The following MMP20 variants were observed in gnomAD, a reference collection of about 807,000 sequenced individuals.
MMP20 encodes the protein matrix metallopeptidase 20.
In MMP20, 50 loss-of-function variants were observed where a neutral mutation model predicts 51.8. That is an observed-to-expected ratio of 0.97 (90% CI 0.77 to 1.22). The LOEUF is 1.22. Among genes scored for constraint, MMP20 ranks in the 50% most tolerant of loss-of-function variants. MMP20 has a pLI of 0.00. For synonymous variants in MMP20, 244 were observed against 216.2 expected (o/e 1.13, Z -1.13); for missense variants, 663 against 601.4 (o/e 1.10, Z -1.07).
intron 6 of MMP20, 129 bp from the exon 7 acceptor site, chr11:102,594,886 T>C (rs1244909343): frequency 1.3e-5 from 16 of 1,215,324 alleles, no homozygotes; most frequent in Admixed American, 2.6e-5. Context: ...TGCCTTGCCT[T>C]GCCTTGTTTT....
At chr11:102,623,257 A>G (rs1565402252) in intron 1 of MMP20, among the ~76,000 whole-genome samples, 1 of 152,180 alleles carries the variant, frequency 6.6e-6, no homozygotes, top group Non-Finnish European at 1.5e-5. Flanking sequence ...TGTCTAGCCC[A>G]GGGGTCCCCT....
intron 9 of MMP20, among the ~76,000 whole-genome samples, chr11:102,578,804 C>CAA: frequency 1.3e-5 from 2 of 151,544 alleles, no homozygotes; most frequent in Admixed American, 1.3e-4. Context: ...AAAACAAAAA[C>CAA]AAACAAACAA....
At chr11:102,577,454 T>A (rs1242744689) in intron 9 of MMP20, 28 bp from the exon 10 acceptor site, 2 of 1,461,008 alleles carry the variant, frequency 1.4e-6, no homozygotes, top group Admixed American at 3.4e-5. Context: ...GAAATTGGGT[T>A]ACTGAAGATG....
intron 6 of MMP20, among the ~76,000 whole-genome samples, chr11:102,606,073 C>T (rs560248454): frequency 1.3e-5 from 2 of 152,322 alleles, no homozygotes; most frequent in African/African-American, 4.8e-5. Flanking sequence ...GTCCATCTGT[C>T]CAGCTAGCCA....
At chr11:102,610,589 T>A (rs542631267) in intron 3 of MMP20, among the ~76,000 whole-genome samples, 56 of 152,230 alleles carry the variant, frequency 3.7e-4, no homozygotes, top group Non-Finnish European at 7.6e-4. Flanking sequence ...ATGAAAGTCA[T>A]AAAGGTGTTT....
intron 6 of MMP20, among the ~76,000 whole-genome samples, chr11:102,602,179 A>G (rs7932917): frequency 0.51 from 67,570 of 132,588 alleles, 17,691 homozygotes; most frequent in South Asian, 0.65. Flanking sequence ...CATGTTAGCC[A>G]GGATGGTCTC....
Position 102,616,158 on chromosome 11 carries a change from G to C in MMP20, c.374+654C>G, listed in dbSNP as rs544703129. 7.7e-4 allele frequency among the ~76,000 whole-genome samples: 117 copies of C among 152,242 alleles called. No homozygotes were observed. In the Middle Eastern group the frequency reaches 0.014, roughly 18 times the overall value. ...CAGGGAAGGAGTGAGGGGAGCTTGG[G>C]GCTAAGAGTGGAACTGCTTCTGCTT... On this transcript the variant is annotated intron_variant, in intron 2 of 9. Transcript: ENST00000260228.
chr11:102,594,893 T>G, intron 6 of MMP20, 136 bp from the exon 7 acceptor site: 3 of 1,126,380 alleles, frequency 2.7e-6, no homozygotes, highest in Non-Finnish European at 3.7e-6. Context: ...CCTTGCCTTG[T>G]TTTTTTTCTC....
intron 8 of MMP20, among the ~76,000 whole-genome samples, chr11:102,590,698 T>A (rs149111529): frequency 6.6e-6 from 1 of 152,234 alleles, no homozygotes; most frequent in African/African-American, 2.4e-5. Flanking sequence ...TTTCAGTGGA[T>A]GTCAATGTAG....
intron 8 of MMP20, among the ~76,000 whole-genome samples, chr11:102,591,944 C>T (rs1859322137): frequency 6.6e-6 from 1 of 152,146 alleles, no homozygotes; most frequent in Admixed American, 6.6e-5. Context: ...GATAAATGGG[C>T]AAGAGAGACA....
chr11:102,588,188 C>G (rs1481053079), intron 8 of MMP20, among the ~76,000 whole-genome samples: 1 of 152,006 alleles, frequency 6.6e-6, no homozygotes, highest in Non-Finnish European at 1.5e-5. Context: ...AAGACTTATA[C>G]TAAATTAATT....
chr11:102,614,741 C>T (rs912830346), intron 2 of MMP20, among the ~76,000 whole-genome samples: 3 of 152,022 alleles, frequency 2.0e-5, no homozygotes, highest in African/African-American at 7.2e-5. Context: ...ATTCTGGCCC[C>T]TCCTTTGATC....
chr11:102,603,401 C>G (rs1450592718), intron 6 of MMP20, among the ~76,000 whole-genome samples: 1 of 152,094 alleles, frequency 6.6e-6, no homozygotes, highest in African/African-American at 2.4e-5. Context: ...CTGGACAGCA[C>G]CTTAGGAGGC....
chr11:102,615,179 G>A (rs1329013701), intron 2 of MMP20, among the ~76,000 whole-genome samples: 2 of 144,178 alleles, frequency 1.4e-5, no homozygotes, highest in African/African-American at 2.5e-5. Flanking sequence ...ATAAAATAAT[G>A]TTTTAATAAT....
intron 6 of MMP20, among the ~76,000 whole-genome samples, chr11:102,602,079 A>C (rs1859453338): frequency 7.1e-6 from 1 of 140,904 alleles, no homozygotes; most frequent in Non-Finnish European, 1.5e-5. Flanking sequence ...CCTCCCGAGT[A>C]GCTGGGATTA....
Position 102,616,224 on chromosome 11 carries a change from G to C in MMP20, c.374+588C>G, listed in dbSNP as rs567221717. Reference sequence around the variant, plus strand: ...CTCAGATGTTACTGCTGGTCCCTGGGCCACTTGGTAGCTCTGTCCATGTGA... The same window carrying C: ...CTCAGATGTTACTGCTGGTCCCTGGCCCACTTGGTAGCTCTGTCCATGTGA... On this transcript the variant is annotated intron_variant, in intron 2 of 9. Transcript: ENST00000260228. Among the ~76,000 whole-genome samples, 3 of 152,244 alleles carry C rather than the reference G, an allele frequency of 2.0e-5. 1 individual carries two copies. In the East Asian group the frequency reaches 5.8e-4, roughly 29 times the overall value.
intron 4 of MMP20, 113 bp downstream of exon 4, chr11:102,609,792 A>T: frequency 2.0e-6 from 3 of 1,493,816 alleles, no homozygotes; most frequent in Non-Finnish European, 2.8e-6. Context: ...TGTTTTTCCT[A>T]GCCAGCCCCC....
intron 6 of MMP20, among the ~76,000 whole-genome samples, chr11:102,602,051 G>A (rs550037820): frequency 4.1e-5 from 6 of 146,524 alleles, no homozygotes; most frequent in African/African-American, 1.5e-4. Context: ...CCGGGTTCAC[G>A]CCATTCTCCT....
rs776399054 is a variant in MMP20 at position 102,625,185 on chromosome 11, T to G, written c.126+9A>C. On this transcript the variant is annotated intron_variant, in intron 1 of 9. Coordinates refer to ENST00000260228, the MANE Select transcript of MMP20 (RefSeq NM_004771.4). ...GGAGCAAGAAGGAATTGGGCAAAAA[T>G]TCACAAACCTGTGCGAGGCGGTAGT... 6.2e-7 allele frequency: 1 copy of G among 1,613,508 alleles called. No individual in the cohort carries two copies.
Sources: gnomAD v4.1 joint callset for allele counts (sites outside exome capture counted in the v4.1 genomes callset) on GRCh38, gnomAD v4.1.1 for gene constraint, MANE v1.5 for transcripts, NCBI Gene and HGNC (gene_info 2026-07-23, HGNC 2026-07-21) for gene names.